CTNND2: variants seen among roughly 807,000 people sequenced by gnomAD.
CTNND2 encodes the protein catenin delta-2.
CTNND2 carries 22 observed loss-of-function variants against 144.4 expected under a neutral mutation model. The observed-to-expected ratio is 0.15, with a 90% CI of 0.11 to 0.22. The LOEUF is 0.22. Among genes scored for constraint, CTNND2 ranks in the 10% least tolerant of loss-of-function variants. The pLI is 1.00. For synonymous variants in CTNND2, 751 were observed against 695.6 expected (o/e 1.08, Z -1.25); for missense variants, 1,353 against 1,618.8 (o/e 0.84, Z 2.82).
chr5:11,030,745 A>ATGGTTTC (rs1743361442), intron 16 of CTNND2, among the ~76,000 whole-genome samples: 1 of 99,630 alleles, frequency 1.0e-5, no homozygotes, highest in Non-Finnish European at 2.0e-5. Context: ...TTTTTCAGCT[A>ATGGTTTC]TGGTTTCTGT....
chr5:11,476,561 C>T (rs528482671), intron 3 of CTNND2, among the ~76,000 whole-genome samples: 4 of 152,126 alleles, frequency 2.6e-5, no homozygotes, highest in Non-Finnish European at 4.4e-5. Flanking sequence ...ACTCACACGC[C>T]TAACAATCTT....
intron 1 of CTNND2, among the ~76,000 whole-genome samples, chr5:11,874,917 T>C (rs1203908226): frequency 6.6e-6 from 1 of 152,182 alleles, no homozygotes; most frequent in Non-Finnish European, 1.5e-5. Context: ...CAGACATCTT[T>C]TAAGTTACAT....
At chr5:11,443,300 GCAT>G (rs1764475097) in intron 3 of CTNND2, among the ~76,000 whole-genome samples, 1 of 117,368 alleles carries the variant, frequency 8.5e-6, no homozygotes, top group African/African-American at 3.3e-5. Flanking sequence ...TGGTGTGTGT[GCAT>G]GTGTGTGGTG....
intron 10 of CTNND2, among the ~76,000 whole-genome samples, chr5:11,218,900 G>T (rs1045444283): frequency 6.6e-6 from 1 of 152,270 alleles, no homozygotes; most frequent in African/African-American, 2.4e-5. Flanking sequence ...CAGTCAATGT[G>T]CACAATTACA....
At chr5:11,112,550 T>A (rs1753104909) in intron 13 of CTNND2, among the ~76,000 whole-genome samples, 3 of 152,220 alleles carry the variant, frequency 2.0e-5, no homozygotes, top group Admixed American at 2.0e-4. Flanking sequence ...AGATCATAAA[T>A]GTGTGTTGGG....
Position 11,497,113 on chromosome 5 carries a change from G to T in CTNND2, c.287+67831C>A, listed in dbSNP as rs146328032. 2.9e-3 allele frequency among the ~76,000 whole-genome samples: 437 copies of T among 152,260 alleles called. 1 individual carries two copies. Among genetic ancestry groups the T allele is most frequent in the African/African-American group, 1.0e-2 (414 of 41,556 alleles). ...GGTCTGACCAACCACTAGAGCTGGG[G>T]CTCAGACTCATGTGGTCTGTCTGTG... On this transcript the variant is annotated intron_variant, in intron 3 of 21. Coordinates refer to ENST00000304623, the MANE Select transcript of CTNND2 (RefSeq NM_001332.4).
chr5:10,979,142 C>T (rs1736898681), intron 21 of CTNND2, among the ~76,000 whole-genome samples: 1 of 152,218 alleles, frequency 6.6e-6, no homozygotes, highest in Admixed American at 6.5e-5. Context: ...GGTCCTATTA[C>T]AACCTGACAA....
chr5:11,431,613 G>A (rs1025224804), intron 3 of CTNND2, among the ~76,000 whole-genome samples: 13 of 152,314 alleles, frequency 8.5e-5, no homozygotes, highest in South Asian at 6.2e-4. Context: ...CAACCATGCT[G>A]TGGGGAAGCC....
intron 7 of CTNND2, among the ~76,000 whole-genome samples, chr5:11,382,814 C>T (rs1477902517): frequency 1.3e-5 from 2 of 152,034 alleles, no homozygotes; most frequent in African/African-American, 4.8e-5. Flanking sequence ...CTTCACAACG[C>T]CTCGAATGGT....
rs1217604327 is a variant in CTNND2, at chr5:11,142,864, G to T, written c.2159+16712C>A. ...CCTGACCTCGTGATCCGCCCGTCTC[G>T]GCCTCCCAAAGTGCTGGGATTACAA... On this transcript the variant is annotated intron_variant, in intron 12 of 21. Coordinates refer to ENST00000304623, the MANE Select transcript of CTNND2 (RefSeq NM_001332.4). 2.0e-5 allele frequency among the ~76,000 whole-genome samples: 3 copies of T among 152,086 alleles called. No homozygotes were observed. The East Asian group carries it at 5.8e-4, about 29-fold the overall frequency.
chr5:10,994,422 A>G (rs1319396774), intron 18 of CTNND2, among the ~76,000 whole-genome samples: 2 of 38,400 alleles, frequency 5.2e-5, no homozygotes, highest in Admixed American at 3.6e-4. Context: ...GGGGCGGGGA[A>G]GGAGGAAAGG....
intron 2 of CTNND2, among the ~76,000 whole-genome samples, chr5:11,661,023 A>T (rs937149385): frequency 6.6e-5 from 10 of 152,168 alleles, no homozygotes; most frequent in Non-Finnish European, 1.5e-4. Flanking sequence ...TATTTATCAA[A>T]AAACAATGAT....
chr5:11,105,555 AG>A (rs1239892803), intron 14 of CTNND2, among the ~76,000 whole-genome samples: 2 of 152,212 alleles, frequency 1.3e-5, no homozygotes, highest in African/African-American at 4.8e-5. Flanking sequence ...TGTAAAAGAC[AG>A]TATTGATGGT....
intron 12 of CTNND2, among the ~76,000 whole-genome samples, chr5:11,132,424 G>A (rs542370040): frequency 6.6e-6 from 1 of 152,300 alleles, no homozygotes; most frequent in South Asian, 2.1e-4. Context: ...TAGGTCATAA[G>A]GATGAGAACC....
intron 3 of CTNND2, among the ~76,000 whole-genome samples, chr5:11,544,563 C>T (rs1191244574): frequency 1.3e-5 from 2 of 152,156 alleles, no homozygotes; most frequent in Non-Finnish European, 2.9e-5. Flanking sequence ...AATGAATATG[C>T]AAATTGTGTT....
chr5:11,060,795 T>G (rs1200160171), intron 16 of CTNND2, among the ~76,000 whole-genome samples: 3 of 152,220 alleles, frequency 2.0e-5, no homozygotes, highest in African/African-American at 7.2e-5. Context: ...CTTGTCTTCT[T>G]TATTCCAAAG....
chr5:11,625,675 C>T (rs946203021), intron 2 of CTNND2, among the ~76,000 whole-genome samples: 11 of 152,014 alleles, frequency 7.2e-5, no homozygotes, highest in South Asian at 2.1e-4. Flanking sequence ...TAAAAGGGAA[C>T]CACAGACTGG....
At chr5:11,085,235 T>A (rs183886778) in intron 15 of CTNND2, among the ~76,000 whole-genome samples, 21 of 152,346 alleles carry the variant, frequency 1.4e-4, no homozygotes, top group Admixed American at 2.6e-4. Context: ...ACATTTTTGA[T>A]ACGAGAAACT....
intron 2 of CTNND2, among the ~76,000 whole-genome samples, chr5:11,568,023 T>A (rs1158109474): frequency 1.3e-5 from 2 of 152,210 alleles, no homozygotes; most frequent in African/African-American, 4.8e-5. Flanking sequence ...GCATGTAGTC[T>A]AGGGCTAATC....
Sources: allele counts gnomAD v4.1 joint callset (sites outside exome capture counted in the v4.1 genomes callset), GRCh38; gene constraint gnomAD v4.1.1; transcripts MANE v1.5; gene names NCBI Gene and HGNC (gene_info 2026-07-23, HGNC 2026-07-21).